Variants in ZDHHC14 observed in about 807,000 individuals in gnomAD.
ZDHHC14 encodes palmitoyltransferase ZDHHC14.
In ZDHHC14, 16 loss-of-function variants were observed where a neutral mutation model predicts 47.7. The ratio of observed to expected loss-of-function variants is 0.34; its 90% CI spans 0.23 to 0.51. The LOEUF (loss-of-function observed/expected upper bound fraction) is 0.51, where lower values mean the gene tolerates loss of function less well. ZDHHC14 is among the 20% of genes least tolerant of loss of function. ZDHHC14 has a pLI of 0.97. For synonymous variants in ZDHHC14, 293 were observed against 278.9 expected (o/e 1.05, Z -0.50); for missense variants, 515 against 662.5 (o/e 0.78, Z 2.44).
chr6:157,395,483 C>G (rs1381256607), intron 1 of ZDHHC14, among the ~76,000 whole-genome samples: 4 of 151,964 alleles, frequency 2.6e-5, no homozygotes, highest in Non-Finnish European at 5.9e-5. Context: ...CTCTATTGTT[C>G]CTTCACTCTA....
At chr6:157,659,418 A>G (rs186410343) in intron 8 of ZDHHC14, among the ~76,000 whole-genome samples, 56 of 152,364 alleles carry the variant, frequency 3.7e-4, no homozygotes, top group African/African-American at 1.2e-3. Flanking sequence ...GGCCATGAGA[A>G]ATACGCGTAC....
chr6:157,562,304 G>A (rs1015172974), intron 2 of ZDHHC14, among the ~76,000 whole-genome samples: 5 of 152,202 alleles, frequency 3.3e-5, no homozygotes, highest in African/African-American at 1.2e-4. Flanking sequence ...GCCCAACTGG[G>A]GTTTAGCCGT....
intron 2 of ZDHHC14, among the ~76,000 whole-genome samples, chr6:157,548,608 G>A (rs986527497): frequency 2.6e-5 from 4 of 152,026 alleles, no homozygotes; most frequent in Admixed American, 6.5e-5. Flanking sequence ...CACTATTCCC[G>A]GCTAATTTTG....
chr6:157,596,570 G>T (rs1040651024), intron 3 of ZDHHC14, among the ~76,000 whole-genome samples: 28 of 152,184 alleles, frequency 1.8e-4, no homozygotes, highest in Non-Finnish European at 3.8e-4. Context: ...TATAGAGTTA[G>T]TTGGCAGGCC....
chr6:157,647,984 G>A (rs762369825), intron 7 of ZDHHC14, among the ~76,000 whole-genome samples: 3 of 152,154 alleles, frequency 2.0e-5, no homozygotes, highest in Non-Finnish European at 4.4e-5. Context: ...CTATGGATGA[G>A]GAAAGTGAGG....
intron 1 of ZDHHC14, among the ~76,000 whole-genome samples, chr6:157,453,544 C>T (rs959748554): frequency 1.3e-5 from 2 of 152,180 alleles, no homozygotes; most frequent in African/African-American, 2.4e-5. Context: ...TAATCAGACC[C>T]CTGGCTTAGA....
intron 2 of ZDHHC14, among the ~76,000 whole-genome samples, chr6:157,554,243 A>G (rs1782362795): frequency 6.6e-6 from 1 of 152,218 alleles, no homozygotes; most frequent in Non-Finnish European, 1.5e-5. Context: ...ATTCAGTAGA[A>G]ATTAGCAGAA....
rs553670383 is a variant in ZDHHC14 at position 157,506,459 on chromosome 6, T to C, written c.246-36126T>C. ...CAGCATGAGGCTAACATTAGCTGCCTTCTTGCTCACACTGTTATTTGTGCA... is the reference window on the plus strand; with the variant it reads ...CAGCATGAGGCTAACATTAGCTGCCCTCTTGCTCACACTGTTATTTGTGCA... On this transcript the variant is annotated intron_variant, in intron 1 of 8. Transcript: ENST00000359775. Among the ~76,000 whole-genome samples, 3 of 152,356 alleles carry C rather than the reference T, an allele frequency of 2.0e-5. No homozygotes were observed. In the East Asian group the frequency reaches 5.8e-4, roughly 29 times the overall value.
At chr6:157,447,765 G>A (rs1001054411) in intron 1 of ZDHHC14, among the ~76,000 whole-genome samples, 5 of 152,186 alleles carry the variant, frequency 3.3e-5, no homozygotes, top group Non-Finnish European at 5.9e-5. Flanking sequence ...TACATATTTA[G>A]GTGGGTGATG....
At position 157,624,729 on chromosome 6, in the gene ZDHHC14, T is replaced by C. The variant is rs143176934; in HGVS notation, c.566-3620T>C. Among the ~76,000 whole-genome samples, 595 of 152,330 alleles carry C rather than the reference T, an allele frequency of 3.9e-3. 6 individuals are homozygous for C. The highest frequency in any genetic ancestry group is 0.014 in the African/African-American group (574 of 41,586). ...GCACTTACTCCTGCAGATGTCCTTT[T>C]GATAAGATGAGAGTGTATTCAGTTA... On this transcript the variant is annotated intron_variant, in intron 3 of 8. Transcript: ENST00000359775.
chr6:157,668,101 G>A (rs546626155), intron 8 of ZDHHC14, among the ~76,000 whole-genome samples: 1 of 152,266 alleles, frequency 6.6e-6, no homozygotes, highest in South Asian at 2.1e-4. Context: ...TCAAAGCTGT[G>A]AACTACACGC....
chr6:157,445,037 A>G (rs759155333), intron 1 of ZDHHC14, among the ~76,000 whole-genome samples: 4 of 151,438 alleles, frequency 2.6e-5, no homozygotes, highest in Non-Finnish European at 5.9e-5. Flanking sequence ...GACAGAGTCC[A>G]GGCTGGGGAA....
intron 3 of ZDHHC14, among the ~76,000 whole-genome samples, chr6:157,618,481 C>G (rs554832751): frequency 6.6e-6 from 1 of 152,168 alleles, no homozygotes; most frequent in Non-Finnish European, 1.5e-5. Context: ...GCCACCACAC[C>G]CAGCTAATTT....
At chr6:157,431,917 T>G (rs1778346617) in intron 1 of ZDHHC14, among the ~76,000 whole-genome samples, 1 of 151,928 alleles carries the variant, frequency 6.6e-6, no homozygotes, top group South Asian at 2.1e-4. Context: ...TTTGTAGAGA[T>G]AGGGTTTTGC....
At chr6:157,560,261 G>A (rs1782653550) in intron 2 of ZDHHC14, among the ~76,000 whole-genome samples, 1 of 152,210 alleles carries the variant, frequency 6.6e-6, no homozygotes, top group Non-Finnish European at 1.5e-5. Flanking sequence ...TGCCACATCA[G>A]TTGCCTACAC....
rs552877387 is a variant in ZDHHC14, at chr6:157,664,911, G to T, written c.1069-7813G>T. 5.9e-5 allele frequency among the ~76,000 whole-genome samples: 9 copies of T among 152,122 alleles called. No individual in the cohort carries two copies. In the East Asian group the frequency reaches 1.5e-3, roughly 26 times the overall value. Reference sequence around the variant, plus strand: ...CTGGTCCTCCTGAACGGACCAGAACGGCATCCTCTTCTCCAGTGTCTTGCC... The same window carrying T: ...CTGGTCCTCCTGAACGGACCAGAACTGCATCCTCTTCTCCAGTGTCTTGCC... On this transcript the variant is annotated intron_variant, in intron 8 of 8. Coordinates refer to ENST00000359775, the MANE Select transcript of ZDHHC14 (RefSeq NM_024630.3).
intron 2 of ZDHHC14, among the ~76,000 whole-genome samples, chr6:157,550,525 G>A (rs1288566177): frequency 7.4e-6 from 1 of 134,842 alleles, no homozygotes; most frequent in African/African-American, 3.9e-5. Flanking sequence ...CGTCACACAG[G>A]CACTCCAGAG....
chr6:157,667,595 A>G (rs1474800053), intron 8 of ZDHHC14, among the ~76,000 whole-genome samples: 2 of 149,614 alleles, frequency 1.3e-5, no homozygotes, highest in Non-Finnish European at 1.5e-5. Context: ...AAATGGGCAA[A>G]TAAGAATTAG....
intron 2 of ZDHHC14, among the ~76,000 whole-genome samples, chr6:157,568,515 G>C (rs1437730639): frequency 6.6e-6 from 1 of 151,964 alleles, no homozygotes; most frequent in Non-Finnish European, 1.5e-5. Context: ...GTAATCCACT[G>C]TATGATCACA....
Sources: gnomAD v4.1 joint callset for allele counts (sites outside exome capture counted in the v4.1 genomes callset) on GRCh38, gnomAD v4.1.1 for gene constraint, MANE v1.5 for transcripts, NCBI Gene and HGNC (gene_info 2026-07-23, HGNC 2026-07-21) for gene names.